LRMDA: variants seen among roughly 807,000 people sequenced by gnomAD.
LRMDA encodes leucine-rich melanocyte differentiation-associated protein.
A neutral mutation model predicts 29.8 loss-of-function variants in LRMDA; 18 were observed. The ratio of observed to expected loss-of-function variants is 0.60; its 90% confidence interval spans 0.42 to 0.90. LRMDA has a LOEUF of 0.90. LRMDA is among the 40% of genes least tolerant of loss of function. The pLI, the probability that LRMDA is intolerant of heterozygous loss-of-function variation, is 0.00. For missense variants in LRMDA, 273 were observed against 273.9 expected (o/e 1.00, Z 0.02); for synonymous variants, 125 against 109.4 (o/e 1.14, Z -0.89).
At position 76,451,950 on chromosome 10, in the gene LRMDA, C is replaced by G. The variant is rs553019775; in HGVS notation, c.602-105259C>G. ...GGGATTACAGGCGTGAGCCACCATG[C>G]CTGGCCCGATGCTTTGTCTTTACCC... On this transcript the variant is annotated intron_variant, in intron 6 of 6. Coordinates refer to ENST00000611255, the MANE Select transcript of LRMDA (RefSeq NM_001305581.2). Among the ~76,000 whole-genome samples the G allele has an allele frequency of 5.9e-5, 9 of 152,322 alleles. No individual in the cohort carries two copies. The East Asian group carries it at 1.5e-3, about 26-fold the overall frequency.
intron 2 of LRMDA, among the ~76,000 whole-genome samples, chr10:76,035,680 C>T (rs965049882): frequency 3.3e-5 from 5 of 152,174 alleles, no homozygotes; most frequent in African/African-American, 7.2e-5. Context: ...TCAGCCGAGG[C>T]TGGGTGCCTG....
chr10:75,570,664 C>A (rs573791981), intron 2 of LRMDA, among the ~76,000 whole-genome samples: 13 of 152,232 alleles, frequency 8.5e-5, no homozygotes, highest in African/African-American at 2.9e-4. Context: ...TTCAGAGGGC[C>A]AAGGAGCAAT....
intron 2 of LRMDA, among the ~76,000 whole-genome samples, chr10:75,678,609 G>A (rs1428399957): frequency 6.6e-6 from 1 of 152,120 alleles, no homozygotes; most frequent in African/African-American, 2.4e-5. Context: ...TTTGGCAACT[G>A]GGCACTCCAC....
At chr10:75,975,818 C>G (rs1283701531) in intron 2 of LRMDA, among the ~76,000 whole-genome samples, 8 of 152,004 alleles carry the variant, frequency 5.3e-5, no homozygotes, top group Admixed American at 5.2e-4. Flanking sequence ...GTCATTTTTT[C>G]TTTCTTTCTT....
chr10:76,064,304 G>A (rs1043939232), intron 5 of LRMDA, among the ~76,000 whole-genome samples: 11 of 152,100 alleles, frequency 7.2e-5, no homozygotes, highest in South Asian at 2.1e-4. Flanking sequence ...AGCATTTCAC[G>A]GGGAGGCAAG....
chr10:76,414,363 C>T (rs1394511870), intron 6 of LRMDA, among the ~76,000 whole-genome samples: 5 of 152,128 alleles, frequency 3.3e-5, no homozygotes, highest in Non-Finnish European at 1.5e-5. Context: ...AAACAACAAA[C>T]CACAAATTAT....
intron 5 of LRMDA, among the ~76,000 whole-genome samples, chr10:76,160,205 CTT>C (rs566467054): frequency 2.2e-4 from 30 of 133,692 alleles, no homozygotes; most frequent in African/African-American, 4.6e-4. Flanking sequence ...TAAGAGAAGT[CTT>C]TTTTTTTTTT....
At chr10:76,480,936 A>G (rs968587058) in intron 6 of LRMDA, among the ~76,000 whole-genome samples, 6 of 152,072 alleles carry the variant, frequency 3.9e-5, no homozygotes, top group South Asian at 4.1e-4. Flanking sequence ...CAGCGACTCA[A>G]TGGTATGAAT....
chr10:76,305,462 C>T (rs1055941968), intron 5 of LRMDA, among the ~76,000 whole-genome samples: 2 of 152,234 alleles, frequency 1.3e-5, no homozygotes, highest in African/African-American at 4.8e-5. Flanking sequence ...CTGTCCTGAG[C>T]AAAACATATA....
intron 5 of LRMDA, among the ~76,000 whole-genome samples, chr10:76,285,233 G>A (rs181481143): frequency 6.6e-6 from 1 of 152,076 alleles, no homozygotes; most frequent in Non-Finnish European, 1.5e-5. Flanking sequence ...CTGGAATTCA[G>A]TTTTTTCCAC....
chr10:75,533,933 A>ACATAT (rs1324250912), intron 2 of LRMDA, among the ~76,000 whole-genome samples: 2 of 152,216 alleles, frequency 1.3e-5, no homozygotes, highest in African/African-American at 2.4e-5. Context: ...CTATATTGCA[A>ACATAT]GTGACTCAAA....
intron 6 of LRMDA, among the ~76,000 whole-genome samples, chr10:76,390,522 G>T (rs1462699539): frequency 6.6e-6 from 1 of 150,404 alleles, no homozygotes; most frequent in Non-Finnish European, 1.5e-5. Context: ...AAAAAAACAA[G>T]AAAACTCAAT....
chr10:76,424,158 G>C (rs978814999), intron 6 of LRMDA, among the ~76,000 whole-genome samples: 1 of 152,104 alleles, frequency 6.6e-6, no homozygotes, highest in Non-Finnish European at 1.5e-5. Context: ...AGTGATTTTT[G>C]ACATTAAGGA....
chr10:75,482,665 A>T (rs1844866654), intron 2 of LRMDA, among the ~76,000 whole-genome samples: 1 of 152,192 alleles, frequency 6.6e-6, no homozygotes, highest in South Asian at 2.1e-4. Flanking sequence ...GTGTCAGCTC[A>T]ACTATGTCCC....
At chr10:75,593,761 T>C (rs1165906737) in intron 2 of LRMDA, among the ~76,000 whole-genome samples, 1 of 152,052 alleles carries the variant, frequency 6.6e-6, no homozygotes, top group East Asian at 1.9e-4. Flanking sequence ...GCTATGTGGA[T>C]CCTGTCGCCC....
At chr10:75,641,380 T>C (rs1384859422) in intron 2 of LRMDA, among the ~76,000 whole-genome samples, 1 of 148,058 alleles carries the variant, frequency 6.8e-6, no homozygotes, top group Non-Finnish European at 1.5e-5. Flanking sequence ...ATTCAAATAA[T>C]ACATTAATAT....
At chr10:75,443,794 A>G (rs904996882) in intron 2 of LRMDA, among the ~76,000 whole-genome samples, 3 of 152,236 alleles carry the variant, frequency 2.0e-5, no homozygotes, top group African/African-American at 7.2e-5. Context: ...GATAAAATTC[A>G]CTAGTGAAGC....
At chr10:76,368,323 A>AT (rs1177735539) in intron 6 of LRMDA, among the ~76,000 whole-genome samples, 2 of 152,056 alleles carry the variant, frequency 1.3e-5, no homozygotes, top group Non-Finnish European at 2.9e-5. Context: ...AGTTTGAAGC[A>AT]TTTTTTTAAT....
chr10:76,288,840 A>G (rs147606511), intron 5 of LRMDA, among the ~76,000 whole-genome samples: 27 of 152,310 alleles, frequency 1.8e-4, no homozygotes, highest in Admixed American at 6.5e-4. Flanking sequence ...AGCCAGAGCC[A>G]ATCAGTCAAT....
Sources: allele counts gnomAD v4.1 joint callset (sites outside exome capture counted in the v4.1 genomes callset), GRCh38; gene constraint gnomAD v4.1.1; transcripts MANE v1.5; gene names NCBI Gene and HGNC (gene_info 2026-07-23, HGNC 2026-07-21).